Variants in ATP1A2 observed in about 807,000 individuals in gnomAD.
The protein encoded by ATP1A2 is sodium/potassium-transporting ATPase subunit alpha-2.
In ATP1A2, 56 loss-of-function variants were observed where a neutral mutation model predicts 113.1. The observed-to-expected ratio is 0.49, with a 90% CI of 0.40 to 0.62. The LOEUF (loss-of-function observed/expected upper bound fraction) is 0.62. Among genes scored for constraint, ATP1A2 ranks in the 20% least tolerant of loss-of-function variants. The pLI is 0.00. For missense variants in ATP1A2, 712 were observed against 1,357.8 expected, an observed-to-expected ratio of 0.52 and a Z score of 7.47; for synonymous variants, 490 against 526.8, an observed-to-expected ratio of 0.93 and a Z score of 0.96.
At chr1:160,136,478 G>T in intron 18 of ATP1A2, 92 bp from the exon 19 acceptor site, 1 of 1,612,692 alleles carries the variant, frequency 6.2e-7, no homozygotes, top group South Asian at 1.1e-5. Flanking sequence ...AGCTACCCAA[G>T]GGTCAGGGAC....
intron 14 of ATP1A2, 27 bp downstream of exon 14, chr1:160,134,647 GC>G: frequency 6.2e-7 from 1 of 1,614,128 alleles, no homozygotes; most frequent in East Asian, 2.2e-5. Context: ...AAGCCCCTGT[GC>G]CCTAATCAAC....
At chr1:160,116,037 C>T (rs947556840) in intron 1 of ATP1A2, among the ~76,000 whole-genome samples, 164 bp downstream of exon 1, 2 of 152,116 alleles carry the variant, frequency 1.3e-5, no homozygotes, top group African/African-American at 4.8e-5. Context: ...GTGTACAGAT[C>T]CCACGGCGGT....
intron 1 of ATP1A2, among the ~76,000 whole-genome samples, chr1:160,117,943 G>A (rs1651242607): frequency 6.6e-6 from 1 of 152,096 alleles, no homozygotes. Context: ...TGTGGTTGGG[G>A]GAGGGAGGAG....
rs764761512 is a variant in ATP1A2 at position 160,135,629 on chromosome 1, G to A, written c.2284+27G>A. On this transcript the variant is annotated intron_variant, in intron 16 of 22. Coordinates refer to ENST00000361216, the MANE Select transcript of ATP1A2 (RefSeq NM_000702.4). This position sits in a 1 kb window ranked among gnomAD's most constrained non-coding sequence, Gnocchi z 6.3. ...TGAGGAGGCTGCATGGGTTGGGATG[G>A]TTTGCAGGATACTGAAGCCGGCACC... The A allele has an allele frequency of 6.2e-7, 1 of 1,612,844 alleles. No homozygotes were observed. Among genetic ancestry groups the A allele is most frequent in the African/African-American group, 1.3e-5 (1 of 74,844 alleles).
Position 160,122,603 on chromosome 1 carries a change from C to A in ATP1A2, c.178-610C>A, listed in dbSNP as rs139350678. On this transcript the variant is annotated intron_variant, in intron 3 of 22. Coordinates refer to ENST00000361216, the MANE Select transcript of ATP1A2 (RefSeq NM_000702.4). Reference sequence around the variant, plus strand: ...CTGGGGCTGAGGGAATAGGGCCAGGCAAGGCTTTCTGTGGAAAGTGACAGG... The same window carrying A: ...CTGGGGCTGAGGGAATAGGGCCAGGAAAGGCTTTCTGTGGAAAGTGACAGG... Among the ~76,000 whole-genome samples, 115 of 152,176 alleles carry A rather than the reference C, an allele frequency of 7.6e-4. 1 individual carries two copies. Among genetic ancestry groups the A allele is most frequent in the African/African-American group, 2.6e-3 (109 of 41,514 alleles).
rs1558009266 is a variant in ATP1A2, at chr1:160,137,000, C to T, written c.2809C>T (p.Arg937Cys). 3 of 1,614,156 alleles carry T rather than the reference C, an allele frequency of 1.9e-6. No homozygotes were observed. Among genetic ancestry groups the T allele is most frequent in the Non-Finnish European group, 2.5e-6 (3 of 1,180,028 alleles). The change falls in exon 20 of 23, where the codon CGC (arginine) becomes TGC (cysteine). Residue 937 changes from arginine (R) to cysteine (C), a missense_variant. By Grantham distance (180) the Arg-to-Cys change is radical (BLOSUM62 -3). This residue lies in a region of ATP1A2 where 188 missense variants were observed against 438.9 expected (regional missense o/e 0.43). Transcript: ENST00000361216. ...QWADLIICKT[R>C]RNSVFQQGMK... ...GGCTGACCTCATCATCTGCAAGACC[C>T]GCCGCAACTCAGTCTTCCAGCAGGG...
chr1:160,116,679 A>G lies in ATP1A2; in HGVS notation c.12+806A>G, dbSNP rs538179230. Among the ~76,000 whole-genome samples the G allele has an allele frequency of 1.1e-4, 16 of 152,256 alleles. No individual in the cohort carries two copies. In the East Asian group the frequency reaches 3.1e-3, roughly 29 times the overall value. ...TTCCCATATGGAGAAGAGTGGCCCA[A>G]TCCTTTTACATGCTGTGCCTGGCTG... On this transcript the variant is annotated intron_variant, in intron 1 of 22. Coordinates refer to ENST00000361216, the MANE Select transcript of ATP1A2 (RefSeq NM_000702.4).
chr1:160,138,662 G>A (rs1301341114), intron 20 of ATP1A2, among the ~76,000 whole-genome samples: 1 of 152,116 alleles, frequency 6.6e-6, no homozygotes, highest in Non-Finnish European at 1.5e-5. Context: ...GGCACATGGT[G>A]AAACTCTATC....
chr1:160,124,780 C>T (rs1004637913), intron 6 of ATP1A2, among the ~76,000 whole-genome samples: 2 of 152,174 alleles, frequency 1.3e-5, no homozygotes, highest in Non-Finnish European at 2.9e-5. Flanking sequence ...TGGCCACACA[C>T]GTTGCATCCT....
chr1:160,128,975 C>A lies in ATP1A2; in HGVS notation c.1217-5C>A, dbSNP rs1305403379. ...CGCTCCTGGTTCCCCCTCATTTCCT[C>A]CCAGGGGCCACTTTTGACAAACGAT... On this transcript the variant is annotated splice_region_variant and splice_polypyrimidine_tract_variant and intron_variant, in intron 9 of 22. Transcript: ENST00000361216. 2 of 1,600,826 alleles carry A rather than the reference C, an allele frequency of 1.2e-6. No homozygotes were observed. Among genetic ancestry groups the A allele is most frequent in the East Asian group, 2.3e-5 (1 of 44,170 alleles).
In ATP1A2 at chr1:160,125,269, GC is replaced by G; in HGVS notation, c.748+21del. 3.1e-6 allele frequency: 5 copies of G among 1,596,790 alleles called. No individual in the cohort carries two copies. Among genetic ancestry groups the G allele is most frequent in the South Asian group, 1.1e-5 (1 of 90,698 alleles). On this transcript the variant is annotated intron_variant, in intron 7 of 22. Transcript: ENST00000361216. ...TGTGTTGAAGGTGAGAAGCCAGGCT[GC>G]CCCCTGTAGGAAAGAGTCTGAATCC...
At chr1:160,119,957 GGGTGCA>G (rs1192467150) in intron 1 of ATP1A2, among the ~76,000 whole-genome samples, 46 of 152,006 alleles carry the variant, frequency 3.0e-4, no homozygotes, top group Admixed American at 3.0e-3. Flanking sequence ...TAGAAGCGGA[GGGTGCA>G]GTGAGCTGAA....
chr1:160,118,261 A>G (rs532022199), intron 1 of ATP1A2, among the ~76,000 whole-genome samples: 1 of 152,208 alleles, frequency 6.6e-6, no homozygotes, highest in East Asian at 1.9e-4. Flanking sequence ...TCACATCTGA[A>G]TATACAGAAA....
At position 160,128,990 on chromosome 1, in the gene ATP1A2, T is replaced by C; in HGVS notation, c.1227T>C (p.Phe409=). The C allele has an allele frequency of 1.9e-6, 3 of 1,604,922 alleles. No individual in the cohort carries two copies. Among genetic ancestry groups the C allele is most frequent in the Non-Finnish European group, 2.6e-6 (3 of 1,175,046 alleles). The part of the protein sequence containing the change: ...DTTEDQSGAT[F]DKRSPTWTAL... ...CTCATTTCCTCCCAGGGGCCACTTT[T>C]GACAAACGATCCCCTACGTGGACGG... is the stretch of plus-strand genomic sequence containing the variant. The change falls in exon 10 of 23, where the codon TTT becomes TTC. Residue 409 remains phenylalanine, a synonymous_variant. Coordinates refer to ENST00000361216, the MANE Select transcript of ATP1A2 (RefSeq NM_000702.4).
intron 19 of ATP1A2, 22 bp from the exon 20 acceptor site, chr1:160,136,879 T>C (rs752448205): frequency 1.2e-6 from 2 of 1,614,178 alleles, no homozygotes; most frequent in South Asian, 1.1e-5. Context: ...CTCTCATCTG[T>C]CTCTGCCCAC....
At chr1:160,115,952 T>C (rs1253992233) in intron 1 of ATP1A2, 79 bp downstream of exon 1, 2 of 1,558,906 alleles carry the variant, frequency 1.3e-6, no homozygotes, top group African/African-American at 1.4e-5. Context: ...GGGAATGGGA[T>C]GTGGAAGGAG....
Position 160,123,262 on chromosome 1 carries a change from A to G in ATP1A2, c.227A>G (p.Asn76Ser). ...GACGTTCTGGCTCGAGATGGGCCCA[A>G]CGCCCTCACACCACCTCCCACAACC... is the stretch of plus-strand genomic sequence containing the variant. ...AQDVLARDGP[N>S]ALTPPPTTPE... Residue 76 changes from asparagine to serine, a missense_variant, in exon 4 of 23, where the codon AAC becomes AGC. Asn to Ser is a conservative substitution (Grantham distance 46). Coordinates refer to ENST00000361216, the MANE Select transcript of ATP1A2 (RefSeq NM_000702.4). The G allele has an allele frequency of 1.2e-6, 2 of 1,614,168 alleles. No individual in the cohort carries two copies. Among genetic ancestry groups the G allele is most frequent in the Non-Finnish European group, 1.7e-6 (2 of 1,180,028 alleles).
chr1:160,125,418 G>A, intron 7 of ATP1A2, 165 bp downstream of exon 7: 3 of 666,506 alleles, frequency 4.5e-6, no homozygotes, highest in East Asian at 2.8e-5. Context: ...ACAGAGCAGG[G>A]TATTGACTGA....
intron 1 of ATP1A2, among the ~76,000 whole-genome samples, chr1:160,118,742 C>T (rs1651270154): frequency 6.6e-6 from 1 of 152,112 alleles, no homozygotes; most frequent in African/African-American, 2.4e-5. Context: ...TTGGGAACAA[C>T]AGTGTTGACT....
Sources: allele counts gnomAD v4.1 joint callset (sites outside exome capture counted in the v4.1 genomes callset), GRCh38; gene constraint gnomAD v4.1.1; regional missense constraint gnomAD v4.1.1; non-coding constraint Gnocchi (gnomAD v3.1); transcripts MANE v1.5; gene names NCBI Gene and HGNC (gene_info 2026-07-23, HGNC 2026-07-21).